The following C1QTNF7 variants were observed in gnomAD, a reference collection of about 807,000 sequenced individuals.
C1QTNF7 encodes C1q and TNF related 7, also known as complement C1q tumor necrosis factor-related protein 7.
A neutral mutation model predicts 19.6 loss-of-function variants in C1QTNF7; 15 were observed. The observed-to-expected ratio is 0.76, with a 90% CI of 0.51 to 1.18. The LOEUF (loss-of-function observed/expected upper bound fraction) is 1.18, where lower values mean the gene tolerates loss of function less well. Among genes scored for constraint, C1QTNF7 ranks in the 50% most tolerant of loss-of-function variants. The pLI is 0.00. For missense variants in C1QTNF7, 324 were observed against 359.7 expected, an observed-to-expected ratio of 0.90 and a Z score of 0.80; for synonymous variants, 142 against 137.5, an observed-to-expected ratio of 1.03 and a Z score of -0.23.
At chr4:15,363,453 A>G (rs1453359744) in intron 1 of C1QTNF7, among the ~76,000 whole-genome samples, 1 of 152,286 alleles carries the variant, frequency 6.6e-6, no homozygotes, top group East Asian at 1.9e-4. Flanking sequence ...CTCTACCTCA[A>G]TGCCATGACT....
At chr4:15,378,427 G>T (rs571858341) in intron 1 of C1QTNF7, among the ~76,000 whole-genome samples, 1 of 152,048 alleles carries the variant, frequency 6.6e-6, no homozygotes. Context: ...ATGAAAAGAA[G>T]AAAGAAAAAA....
intron 1 of C1QTNF7, among the ~76,000 whole-genome samples, chr4:15,396,005 A>T (rs1241881045): frequency 6.6e-6 from 1 of 152,150 alleles, no homozygotes; most frequent in African/African-American, 2.4e-5. Flanking sequence ...AGTTTTAGTA[A>T]GTGGGGGGCA....
chr4:15,404,730 G>A (rs1719131199), intron 1 of C1QTNF7, among the ~76,000 whole-genome samples: 1 of 152,122 alleles, frequency 6.6e-6, no homozygotes, highest in Non-Finnish European at 1.5e-5. Flanking sequence ...TTCTTAATGG[G>A]GACCAAGGGC....
chr4:15,419,980 G>T (rs894065447), intron 1 of C1QTNF7: 7 of 152,172 alleles, frequency 4.6e-5, no homozygotes, highest in Admixed American at 3.3e-4. Context: ...CCTTTCTCCA[G>T]ATAGCAGTCC....
intron 1 of C1QTNF7, among the ~76,000 whole-genome samples, chr4:15,393,814 C>A (rs1367840237): frequency 6.6e-6 from 1 of 152,196 alleles, no homozygotes; most frequent in Non-Finnish European, 1.5e-5. Flanking sequence ...TTTGTTGAGG[C>A]CTACTATGTG....
chr4:15,401,167 T>G (rs1478247295), intron 1 of C1QTNF7, among the ~76,000 whole-genome samples: 1 of 152,058 alleles, frequency 6.6e-6, no homozygotes, highest in Non-Finnish European at 1.5e-5. Flanking sequence ...GAGTGGCAAA[T>G]AAATGAGGAG....
In C1QTNF7 at chr4:15,442,294, G is replaced by A; in HGVS notation, c.365G>A (p.Gly122Glu). 1.9e-6 allele frequency: 3 copies of A among 1,614,134 alleles called. No individual in the cohort carries two copies. Among genetic ancestry groups the A allele is most frequent in the African/African-American group, 1.3e-5 (1 of 75,034 alleles). ...GAAGTAGGTCCAATTGGTCCTCCTG[G>A]ACCAAAGGGAGACAGAGGAGAACAA... is the stretch of plus-strand genomic sequence containing the variant. ...KGEVGPIGPP[G>E]PKGDRGEQGD... Residue 122 changes from glycine (G) to glutamate (E), a missense_variant, in exon 3 of 3, where the codon GGA (glycine) becomes GAA (glutamate). Coordinates refer to ENST00000444304, the MANE Select transcript of C1QTNF7 (RefSeq NM_031911.5).
At chr4:15,385,575 C>T (rs979900896) in intron 1 of C1QTNF7, among the ~76,000 whole-genome samples, 2 of 152,176 alleles carry the variant, frequency 1.3e-5, no homozygotes, top group African/African-American at 4.8e-5. Flanking sequence ...GGAGGGGGAT[C>T]ATCTAAGGTC....
chr4:15,435,979 C>A lies in C1QTNF7; in HGVS notation c.236C>A (p.Ala79Glu). Residue 79 changes from alanine to glutamate, a missense_variant and splice_region_variant, in exon 2 of 3, where the codon GCA becomes GAA. Physicochemically the swap from Ala to Glu is moderately radical, Grantham distance 107. Transcript: ENST00000444304. ...GGAGAGAAAGGTGAAAAGGGAACTG[C>A]AGGTAATGAATGAGAAGTTGCATAA... ...RKGEKGEKGT[A>E]GLRGKTGPLG... 6.2e-7 allele frequency: 1 copy of A among 1,612,264 alleles called. No homozygotes were observed. The highest frequency in any genetic ancestry group is 1.1e-5 in the South Asian group (1 of 90,890).
rs16891979 is a variant in C1QTNF7 at position 15,440,270 on chromosome 4, A to G, written c.239-1898A>G. 4.0e-3 allele frequency among the ~76,000 whole-genome samples: 605 copies of G among 152,248 alleles called. 4 individuals are homozygous for G. The highest frequency in any genetic ancestry group is 0.014 in the African/African-American group (589 of 41,558). ...TAAGGGACTTACCTAAAATGATACAACCGTTTAGTGACAGAGCCAAACACT... is the reference window on the plus strand; with the variant it reads ...TAAGGGACTTACCTAAAATGATACAGCCGTTTAGTGACAGAGCCAAACACT... On this transcript the variant is annotated intron_variant, in intron 2 of 2. Transcript: ENST00000444304.
chr4:15,395,342 G>A (rs1718745005), intron 1 of C1QTNF7, among the ~76,000 whole-genome samples: 2 of 152,100 alleles, frequency 1.3e-5, no homozygotes, highest in Non-Finnish European at 2.9e-5. Flanking sequence ...CTGGATTGGT[G>A]TTTTTGCATT....
At chr4:15,419,664 A>G (rs1174994548) in intron 1 of C1QTNF7, among the ~76,000 whole-genome samples, 1 of 152,214 alleles carries the variant, frequency 6.6e-6, no homozygotes, top group African/African-American at 2.4e-5. Context: ...TCGTGAGCGT[A>G]TATTTAAAAT....
intron 2 of C1QTNF7, among the ~76,000 whole-genome samples, chr4:15,439,839 T>C (rs1368884215): frequency 1.3e-5 from 2 of 152,164 alleles, no homozygotes; most frequent in East Asian, 3.9e-4. Flanking sequence ...ATTAAATCAT[T>C]GCTGTTATAT....
At chr4:15,376,926 G>C (rs756493383) in intron 1 of C1QTNF7, among the ~76,000 whole-genome samples, 2 of 152,154 alleles carry the variant, frequency 1.3e-5, no homozygotes, top group East Asian at 3.9e-4. Flanking sequence ...TCCAAGTTTT[G>C]TGCATATTTT....
intron 1 of C1QTNF7, chr4:15,374,407 T>C (rs1717850058): frequency 4.0e-6 from 1 of 249,314 alleles, no homozygotes; most frequent in South Asian, 1.5e-4. Context: ...AAAAATATTG[T>C]CCAGACTCAC....
intron 1 of C1QTNF7, among the ~76,000 whole-genome samples, chr4:15,392,806 T>G (rs953610910): frequency 5.9e-5 from 9 of 152,148 alleles, no homozygotes; most frequent in Non-Finnish European, 1.2e-4. Flanking sequence ...AAAAGACATT[T>G]GAGTGAAATG....
Position 15,443,791 on chromosome 4 carries a change from T to G in C1QTNF7, c.*992T>G, listed in dbSNP as rs1712884435. On this transcript the variant is annotated 3_prime_UTR_variant, in exon 3 of 3. Coordinates refer to ENST00000444304, the MANE Select transcript of C1QTNF7 (RefSeq NM_031911.5). ...GTGATGGTTTCCCAAGACAAACATT[T>G]GTCCTAATAGCTTTCTCATAAATAT... 6.6e-6 allele frequency: 1 copy of G among 152,246 alleles called. No homozygotes were observed. The highest frequency in any genetic ancestry group is 2.4e-5 in the African/African-American group (1 of 41,458). The allele number at this position is 152,246 out of a possible 1,614,324, so 9.4% of individuals were successfully genotyped here.
At chr4:15,395,677 A>G (rs777607860) in intron 1 of C1QTNF7, among the ~76,000 whole-genome samples, 12 of 152,198 alleles carry the variant, frequency 7.9e-5, no homozygotes, top group South Asian at 2.1e-4. Context: ...GGGAGGGTCC[A>G]TTGTTCAAAT....
intron 1 of C1QTNF7, among the ~76,000 whole-genome samples, chr4:15,391,918 G>A (rs1485433348): frequency 1.3e-5 from 2 of 152,086 alleles, no homozygotes; most frequent in Non-Finnish European, 2.9e-5. Context: ...TTTCAATTTG[G>A]CATTACAACG....
Sources: allele counts gnomAD v4.1 joint callset (sites outside exome capture counted in the v4.1 genomes callset), GRCh38; gene constraint gnomAD v4.1.1; transcripts MANE v1.5; gene names NCBI Gene and HGNC (gene_info 2026-07-23, HGNC 2026-07-21).